Variants in NRXN3 observed in about 807,000 individuals in gnomAD.
NRXN3 encodes the protein neurexin III.
In NRXN3, 32 loss-of-function variants were observed where a neutral mutation model predicts 137.6. That is an observed-to-expected ratio of 0.23 (90% CI 0.18 to 0.31). The LOEUF is 0.31. NRXN3 is among the 10% of genes least tolerant of loss of function. The probability of loss-of-function intolerance (pLI) is 1.00; values close to 1 mark genes in which losing one functional copy is unlikely to be tolerated. For synonymous variants in NRXN3, 798 were observed against 784.5 expected (o/e 1.02, Z -0.29); for missense variants, 1,574 against 2,062.5 (o/e 0.76, Z 4.59).
At chr14:78,898,554 CGTGTGTGTGTGTGT>C (rs66861661) in intron 10 of NRXN3, among the ~76,000 whole-genome samples, 410 of 136,336 alleles carry the variant, frequency 3.0e-3, no homozygotes, top group African/African-American at 3.6e-3. Context: ...AGCTGGGTTT[CGTGTGTGTGTGTGT>C]GTGTGTGTGT....
At chr14:78,601,802 C>G (rs1361091788) in intron 4 of NRXN3, among the ~76,000 whole-genome samples, 1 of 152,120 alleles carries the variant, frequency 6.6e-6, no homozygotes, top group African/African-American at 2.4e-5. Flanking sequence ...CTTCTGCCAT[C>G]TTGGTCCATT....
At chr14:78,843,464 A>G (rs758916647) in intron 10 of NRXN3, among the ~76,000 whole-genome samples, 4 of 152,162 alleles carry the variant, frequency 2.6e-5, no homozygotes, top group Non-Finnish European at 4.4e-5. Flanking sequence ...ACACATATTT[A>G]TTGAGAAAAA....
intron 4 of NRXN3, among the ~76,000 whole-genome samples, chr14:78,528,251 C>T (rs574742442): frequency 2.5e-3 from 378 of 152,248 alleles, no homozygotes; most frequent in African/African-American, 8.6e-3. Context: ...CCTGGCCCAG[C>T]GGCAAAGGAG....
chr14:79,572,455 T>A (rs1042480751), intron 16 of NRXN3, among the ~76,000 whole-genome samples: 1 of 152,206 alleles, frequency 6.6e-6, no homozygotes, highest in African/African-American at 2.4e-5. Flanking sequence ...CCAGAAATAA[T>A]GCATGTAACT....
intron 19 of NRXN3, among the ~76,000 whole-genome samples, chr14:79,734,371 A>G (rs1454152699): frequency 6.6e-6 from 1 of 152,188 alleles, no homozygotes; most frequent in Non-Finnish European, 1.5e-5. Context: ...TTTACAATCC[A>G]GATGTCATGG....
chr14:79,320,652 A>C (rs1043839225), intron 15 of NRXN3, among the ~76,000 whole-genome samples: 2 of 152,168 alleles, frequency 1.3e-5, no homozygotes, highest in Non-Finnish European at 2.9e-5. Flanking sequence ...GCCCCATTCT[A>C]TCAGAGAAAA....
chr14:79,752,821 T>C lies in NRXN3; in HGVS notation c.4015-52291T>C, dbSNP rs540692524. On this transcript the variant is annotated intron_variant, in intron 19 of 20. Transcript: ENST00000335750. ...AGAAAATTTTCACAACCTACTCATC[T>C]GACAAAGGGCTAATATCCAGAATCT... Among the ~76,000 whole-genome samples, 1,169 of 152,260 alleles carry C rather than the reference T, an allele frequency of 7.7e-3. 17 individuals are homozygous for C. The highest frequency in any genetic ancestry group is 0.027 in the African/African-American group (1,113 of 41,540).
intron 1 of NRXN3, among the ~76,000 whole-genome samples, chr14:78,196,317 A>G (rs1427179177): frequency 1.3e-5 from 2 of 152,254 alleles, no homozygotes; most frequent in African/African-American, 4.8e-5. Flanking sequence ...TAAAAGGTAA[A>G]TTATCAGAAA....
intron 4 of NRXN3, among the ~76,000 whole-genome samples, chr14:78,457,049 C>A (rs1404405007): frequency 6.7e-6 from 1 of 148,418 alleles, no homozygotes; most frequent in Non-Finnish European, 1.5e-5. Context: ...CTCTCCCCCG[C>A]CACCTCCTCT....
chr14:78,436,189 T>G (rs1158594615), intron 4 of NRXN3, among the ~76,000 whole-genome samples: 1 of 152,146 alleles, frequency 6.6e-6, no homozygotes, highest in Non-Finnish European at 1.5e-5. Flanking sequence ...GAAGAACATC[T>G]CAGGTATAGG....
At chr14:79,852,412 A>G (rs1204572272) in intron 20 of NRXN3, among the ~76,000 whole-genome samples, 1 of 151,996 alleles carries the variant, frequency 6.6e-6, no homozygotes, top group Non-Finnish European at 1.5e-5. Context: ...CCCTAATCCT[A>G]GCTTGCTGTT....
At chr14:78,589,001 G>A (rs1352350154) in intron 4 of NRXN3, among the ~76,000 whole-genome samples, 4 of 152,242 alleles carry the variant, frequency 2.6e-5, no homozygotes, top group Non-Finnish European at 4.4e-5. Context: ...AATAGTATGT[G>A]TAATGTGGTG....
intron 6 of NRXN3, among the ~76,000 whole-genome samples, chr14:78,688,742 G>A (rs946152200): frequency 6.6e-6 from 1 of 152,050 alleles, no homozygotes; most frequent in African/African-American, 2.4e-5. Flanking sequence ...ATTAGTTGGA[G>A]ATATAAGTCA....
intron 1 of NRXN3, among the ~76,000 whole-genome samples, chr14:78,201,339 AG>A (rs2061657922): frequency 6.6e-6 from 1 of 152,198 alleles, no homozygotes. Context: ...TCTCTACAAA[AG>A]GGCAGGCCCC....
intron 1 of NRXN3, among the ~76,000 whole-genome samples, chr14:78,241,798 C>CT (rs983753022): frequency 1.3e-3 from 186 of 146,762 alleles, no homozygotes; most frequent in South Asian, 1.9e-3. Flanking sequence ...CAAACTCAGC[C>CT]TTTTTTTTTT....
At chr14:78,271,490 A>C (rs2072736097) in intron 2 of NRXN3, among the ~76,000 whole-genome samples, 1 of 50,038 alleles carries the variant, frequency 2.0e-5, no homozygotes, top group South Asian at 6.8e-4. Flanking sequence ...AAAAAAAAAA[A>C]ACAAAAGGGC....
chr14:78,991,035 C>T lies in NRXN3; in HGVS notation c.3262+2894C>T, dbSNP rs116069595. ...ACCTTTGTTGATAAATTTTTGGTGGCGTAGCCTGTATCAGGACTCAAGTGT... is the reference window on the plus strand; with the variant it reads ...ACCTTTGTTGATAAATTTTTGGTGGTGTAGCCTGTATCAGGACTCAAGTGT... On this transcript the variant is annotated intron_variant, in intron 15 of 20. Coordinates refer to ENST00000335750, the MANE Select transcript of NRXN3 (RefSeq NM_001330195.2). 7.4e-3 allele frequency among the ~76,000 whole-genome samples: 1,127 copies of T among 152,268 alleles called. 13 individuals carry two copies. The highest frequency in any genetic ancestry group is 0.026 in the African/African-American group (1,086 of 41,542).
chr14:78,350,277 G>A (rs1296475785), intron 4 of NRXN3, among the ~76,000 whole-genome samples: 3 of 146,610 alleles, frequency 2.0e-5, no homozygotes, highest in East Asian at 2.0e-4. Flanking sequence ...CAACAAGAGC[G>A]GAACTTCATC....
intron 6 of NRXN3, among the ~76,000 whole-genome samples, chr14:78,684,340 A>G (rs989200864): frequency 2.6e-5 from 4 of 152,160 alleles, no homozygotes; most frequent in African/African-American, 9.7e-5. Context: ...GCTTATAATC[A>G]AATTTGGCCT....
Sources: allele counts gnomAD v4.1 joint callset (sites outside exome capture counted in the v4.1 genomes callset), GRCh38; gene constraint gnomAD v4.1.1; transcripts MANE v1.5; gene names NCBI Gene and HGNC (gene_info 2026-07-23, HGNC 2026-07-21).